The following TRIM62 variants were observed in gnomAD, a reference collection of about 807,000 sequenced individuals.
The protein encoded by TRIM62 is E3 ubiquitin-protein ligase TRIM62.
In TRIM62, 39 loss-of-function variants were observed where a neutral mutation model predicts 44.2. The ratio of observed to expected loss-of-function variants is 0.88; its 90% CI spans 0.68 to 1.15. The LOEUF is 1.15. TRIM62 is among the 50% of genes most tolerant of loss of function. The pLI is 0.00. For synonymous variants in TRIM62, 278 were observed against 292.3 expected, an observed-to-expected ratio of 0.95 and a Z score of 0.50; for missense variants, 544 against 665.5, an observed-to-expected ratio of 0.82 and a Z score of 2.01.
In TRIM62 at chr1:33,165,643, G is replaced by T; in HGVS notation, c.409-77C>A. 7.7e-7 allele frequency: 1 copy of T among 1,299,224 alleles called. No individual in the cohort carries two copies. Among genetic ancestry groups the T allele is most frequent in the Non-Finnish European group, 1.0e-6 (1 of 960,126 alleles). 80.5% of individuals were successfully genotyped at this position (1,299,224 alleles called of 1,614,324 possible). On this transcript the variant is annotated intron_variant, in intron 1 of 4. Transcript: ENST00000291416. This position sits in a 1 kb window ranked among gnomAD's most constrained non-coding sequence, Gnocchi z 4.0. ...CATTCAGCCCTGACCACTGCCAGGCGCTGGGGGTTAGCCTGGTCTCTGTCC... is the reference window on the plus strand; with the variant it reads ...CATTCAGCCCTGACCACTGCCAGGCTCTGGGGGTTAGCCTGGTCTCTGTCC...
intron 4 of TRIM62, among the ~76,000 whole-genome samples, chr1:33,150,899 A>C (rs1004558554): frequency 6.6e-6 from 1 of 152,220 alleles, no homozygotes; most frequent in Non-Finnish European, 1.5e-5. Context: ...GTGCCCAGGC[A>C]TGAACAGCAG....
Position 33,147,847 on chromosome 1 carries a change from G to T in TRIM62, c.878-120C>A. 1 of 1,117,680 alleles carries T rather than the reference G, an allele frequency of 8.9e-7. No homozygotes were observed. 69.2% of individuals were successfully genotyped at this position (1,117,680 alleles called of 1,614,324 possible). A position where few individuals can be genotyped will look rare whatever the true frequency, so the allele number is the denominator to read the frequency against. ...GCAGGAGGCCTCTGACCTGCTGTGT[G>T]ACCTTGAATACAAGTCTGCCCTCTC... On this transcript the variant is annotated intron_variant, in intron 4 of 4. Coordinates refer to ENST00000291416, the MANE Select transcript of TRIM62 (RefSeq NM_018207.3). The surrounding 1 kb of genome is among the most constrained non-coding windows in gnomAD (Gnocchi z 8.1).
chr1:33,149,156 CTTAT>C (rs1353192092), intron 4 of TRIM62, among the ~76,000 whole-genome samples: 5 of 152,146 alleles, frequency 3.3e-5, no homozygotes, highest in Admixed American at 6.6e-5. Flanking sequence ...TCTTCTTTTT[CTTAT>C]TTATTTATTG....
At chr1:33,155,814 T>TG (rs546059624) in intron 4 of TRIM62, among the ~76,000 whole-genome samples, 1 of 152,176 alleles carries the variant, frequency 6.6e-6, no homozygotes, top group Non-Finnish European at 1.5e-5. Context: ...AATCTGCCCT[T>TG]GGGGGGGATC....
Position 33,181,537 on chromosome 1 carries a change from C to G in TRIM62, c.-105G>C. 6.9e-7 allele frequency: 1 copy of G among 1,443,486 alleles called. No homozygotes were observed. Among genetic ancestry groups the G allele is most frequent in the South Asian group, 1.4e-5 (1 of 69,120 alleles). The allele number at this position is 1,443,486 out of a possible 1,614,324, so 89.4% of individuals were successfully genotyped here. A position where few individuals can be genotyped will look rare whatever the true frequency, so the allele number is the denominator to read the frequency against. ...GAGGGCTGGGCGCGGGGACGAGGCCCGCACAGGCAGGGGTAGGAGCTACCG... is the reference window on the plus strand; with the variant it reads ...GAGGGCTGGGCGCGGGGACGAGGCCGGCACAGGCAGGGGTAGGAGCTACCG... On this transcript the variant is annotated 5_prime_UTR_variant, in exon 1 of 5. Coordinates refer to ENST00000291416, the MANE Select transcript of TRIM62 (RefSeq NM_018207.3). This position sits in a 1 kb window ranked among gnomAD's most constrained non-coding sequence, Gnocchi z 6.5.
chr1:33,158,067 G>A (rs796716377), intron 4 of TRIM62, among the ~76,000 whole-genome samples, 186 bp downstream of exon 4: 3 of 152,272 alleles, frequency 2.0e-5, no homozygotes, highest in African/African-American at 7.2e-5. Context: ...CTCCTGGGGT[G>A]TTATGAAGGT....
In TRIM62 at chr1:33,177,849, G is replaced by A. The variant is rs1360719850; in HGVS notation, c.408+3176C>T. ...TGAGTGCTGTTAGGTGCCAAGTGCA[G>A]TACTAAGTTTTTATAAACATCATCT... On this transcript the variant is annotated intron_variant, in intron 1 of 4. Coordinates refer to ENST00000291416, the MANE Select transcript of TRIM62 (RefSeq NM_018207.3). This position sits in a 1 kb window ranked among gnomAD's most constrained non-coding sequence, Gnocchi z 4.1. Among the ~76,000 whole-genome samples the A allele has an allele frequency of 6.6e-6, 1 of 152,166 alleles. No individual in the cohort carries two copies. Among genetic ancestry groups the A allele is most frequent in the Admixed American group, 6.6e-5 (1 of 15,256 alleles).
At chr1:33,175,121 C>A (rs1645408201) in intron 1 of TRIM62, among the ~76,000 whole-genome samples, 1 of 151,828 alleles carries the variant, frequency 6.6e-6, no homozygotes, top group East Asian at 1.9e-4. Context: ...CTCACTGCAA[C>A]CTCTGCCTCC....
chr1:33,174,945 GTATA>G (rs72310095), intron 1 of TRIM62, among the ~76,000 whole-genome samples: 2,043 of 141,670 alleles, frequency 0.014, 33 homozygotes, highest in South Asian at 0.075. Flanking sequence ...ATATATGTGT[GTATA>G]TATATATATA....
intron 1 of TRIM62, among the ~76,000 whole-genome samples, chr1:33,172,506 T>C (rs991486144): frequency 6.6e-6 from 1 of 151,710 alleles, no homozygotes; most frequent in Non-Finnish European, 1.5e-5. Flanking sequence ...AGGCCTTGAA[T>C]GTCAGCCTGG....
At position 33,161,745 on chromosome 1, in the gene TRIM62, G is replaced by A. The variant is rs1324593034; in HGVS notation, c.505-1801C>T. Among the ~76,000 whole-genome samples, 2 of 152,168 alleles carry A rather than the reference G, an allele frequency of 1.3e-5. No individual in the cohort carries two copies. Among genetic ancestry groups the A allele is most frequent in the African/African-American group, 4.8e-5 (2 of 41,420 alleles). On this transcript the variant is annotated intron_variant, in intron 2 of 4. Coordinates refer to ENST00000291416, the MANE Select transcript of TRIM62 (RefSeq NM_018207.3). The surrounding 1 kb of genome is among the most constrained non-coding windows in gnomAD (Gnocchi z 4.3). ...GCACCACCTGGAGCTGCCCTCCACA[G>A]GCGCCCAGACTCCGCAGCTACTCCT...
At chr1:33,173,683 T>G (rs1425343718) in intron 1 of TRIM62, among the ~76,000 whole-genome samples, 6 of 151,804 alleles carry the variant, frequency 4.0e-5, no homozygotes, top group African/African-American at 1.4e-4. Context: ...TCTTTCTTTT[T>G]TTTTTTTTTC....
rs1170502178 is a variant in TRIM62, at chr1:33,175,019, ATATGTATATGTT to A, written c.408+5994_408+6005del. 9.7e-4 allele frequency among the ~76,000 whole-genome samples: 145 copies of A among 150,070 alleles called. 1 individual carries two copies. Among genetic ancestry groups the A allele is most frequent in the African/African-American group, 3.0e-3 (122 of 40,568 alleles). The stretch of plus-strand genomic sequence containing the variant: ...CACACATGTATGTATATGTATATGT[ATATGTATATGTT>A]TATGTATATGTATATGTATTTTTTT... On this transcript the variant is annotated intron_variant, in intron 1 of 4. Transcript: ENST00000291416.
At chr1:33,158,436 C>T in intron 3 of TRIM62, 68 bp from the exon 4 acceptor site, 1 of 1,263,844 alleles carries the variant, frequency 7.9e-7, no homozygotes, top group African/African-American at 1.5e-5. Context: ...AGGGGCCCCG[C>T]AGCCACCTTC....
At chr1:33,155,056 G>A (rs1355532974) in intron 4 of TRIM62, among the ~76,000 whole-genome samples, 1 of 142,318 alleles carries the variant, frequency 7.0e-6, no homozygotes, top group Admixed American at 6.9e-5. Context: ...TCGCGCCACT[G>A]CACTCCAGCC....
At chr1:33,178,568 T>C (rs537429020) in intron 1 of TRIM62, among the ~76,000 whole-genome samples, 4 of 152,226 alleles carry the variant, frequency 2.6e-5, no homozygotes, top group Non-Finnish European at 5.9e-5. Flanking sequence ...TTCCAGCCCG[T>C]ACTGTGTGCC....
At chr1:33,151,655 C>T (rs1299898527) in intron 4 of TRIM62, among the ~76,000 whole-genome samples, 1 of 152,122 alleles carries the variant, frequency 6.6e-6, no homozygotes, top group Non-Finnish European at 1.5e-5. Flanking sequence ...TTTCTAAGTC[C>T]CGGGACACCA....
intron 4 of TRIM62, among the ~76,000 whole-genome samples, chr1:33,149,930 C>T (rs757720137): frequency 2.6e-5 from 4 of 152,192 alleles, no homozygotes; most frequent in Non-Finnish European, 5.9e-5. Context: ...GGCACATTTC[C>T]GGAAAGACTC....
At position 33,176,516 on chromosome 1, in the gene TRIM62, A is replaced by C. The variant is rs548551687; in HGVS notation, c.408+4509T>G. The C allele has an allele frequency of 3.4e-4, 225 of 662,386 alleles. 4 individuals carry two copies. Among genetic ancestry groups the C allele is most frequent in the South Asian group, 3.3e-3 (217 of 65,172 alleles). The allele number at this position is 662,386 out of a possible 1,614,324, so 41.0% of individuals were successfully genotyped here. On this transcript the variant is annotated intron_variant, in intron 1 of 4. Transcript: ENST00000291416. ...GCCTGGAGGGGGCGGCTGAGACTGA[A>C]TCGGATCCCCTCTCTGGGGGTTAGG...
Sources: gnomAD v4.1 joint callset for allele counts (sites outside exome capture counted in the v4.1 genomes callset) on GRCh38, gnomAD v4.1.1 for gene constraint, Gnocchi (gnomAD v3.1) non-coding constraint, MANE v1.5 for transcripts, NCBI Gene and HGNC (gene_info 2026-07-23, HGNC 2026-07-21) for gene names.